The following DECR1 variants were observed in gnomAD, a reference collection of about 807,000 sequenced individuals.
DECR1 encodes the protein 2,4-dienoyl-CoA reductase 1, also known as 2,4-dienoyl-CoA reductase [(3E)-enoyl-CoA-producing], mitochondrial.
DECR1 carries 44 observed loss-of-function variants against 38.8 expected under a neutral mutation model. That is an observed-to-expected ratio of 1.13 (90% CI 0.89 to 1.46). DECR1 has a LOEUF of 1.46. DECR1 is among the 40% of genes most tolerant of loss of function. DECR1 has a pLI of 0.00. For synonymous variants in DECR1, 148 were observed against 135.2 expected (o/e 1.09, Z -0.66); for missense variants, 428 against 405.5 (o/e 1.06, Z -0.48).
At chr8:90,013,970 A>G (rs76048616) in intron 1 of DECR1, among the ~76,000 whole-genome samples, 2,188 of 152,270 alleles carry the variant, frequency 0.014, 24 homozygotes, top group Non-Finnish European at 0.024. Context: ...TATATGATGT[A>G]GGAGAGGGAT....
chr8:90,046,607 C>A (rs1023597549), intron 8 of DECR1, among the ~76,000 whole-genome samples: 2 of 152,192 alleles, frequency 1.3e-5, no homozygotes, highest in African/African-American at 2.4e-5. Flanking sequence ...AGTTGGAAAA[C>A]ATGCTGCAGG....
chr8:90,025,684 T>A (rs1389567051), intron 5 of DECR1, among the ~76,000 whole-genome samples: 1 of 152,164 alleles, frequency 6.6e-6, no homozygotes, highest in Non-Finnish European at 1.5e-5. Context: ...CAATTTGACT[T>A]CTTCTTTTCC....
intron 6 of DECR1, chr8:90,042,422 A>G: frequency 3.8e-6 from 1 of 263,150 alleles, no homozygotes; most frequent in Non-Finnish European, 7.2e-6. Context: ...TACAAATGGT[A>G]GGTGGTGTAG....
intron 1 of DECR1, among the ~76,000 whole-genome samples, chr8:90,008,104 A>G (rs1032288102): frequency 2.0e-5 from 3 of 152,258 alleles, no homozygotes; most frequent in Non-Finnish European, 4.4e-5. Flanking sequence ...ACTGCAGCTT[A>G]GATATCTCTA....
intron 5 of DECR1, among the ~76,000 whole-genome samples, chr8:90,021,574 A>G (rs1403782096): frequency 1.3e-5 from 2 of 152,228 alleles, no homozygotes; most frequent in Non-Finnish European, 2.9e-5. Flanking sequence ...GTATTTTTGT[A>G]TAGATTTCCA....
intron 5 of DECR1, among the ~76,000 whole-genome samples, chr8:90,025,500 C>T (rs1176678515): frequency 6.6e-6 from 1 of 152,140 alleles, no homozygotes; most frequent in African/African-American, 2.4e-5. Flanking sequence ...AATGGGAGTT[C>T]ACTCATGATT....
At chr8:90,049,384 CAG>C (rs1814006259) in intron 8 of DECR1, among the ~76,000 whole-genome samples, 1 of 152,122 alleles carries the variant, frequency 6.6e-6, no homozygotes, top group African/African-American at 2.4e-5. Flanking sequence ...ACACCAATAA[CAG>C]ACAAGCAGAG....
chr8:90,039,484 T>G (rs1489431900), intron 6 of DECR1, among the ~76,000 whole-genome samples: 2 of 152,160 alleles, frequency 1.3e-5, no homozygotes, highest in Non-Finnish European at 1.5e-5. Context: ...TGGGGAAAAC[T>G]GTCTTCAGGA....
At chr8:90,049,132 C>G (rs999427991) in intron 8 of DECR1, among the ~76,000 whole-genome samples, 2 of 152,178 alleles carry the variant, frequency 1.3e-5, no homozygotes, top group Non-Finnish European at 2.9e-5. Context: ...CAGGGATGCC[C>G]TCTCTCACCA....
chr8:90,030,981 G>T (rs990799020), intron 5 of DECR1, among the ~76,000 whole-genome samples: 1 of 152,108 alleles, frequency 6.6e-6, no homozygotes, highest in Admixed American at 6.6e-5. Context: ...TGAAGATAAG[G>T]TAAAGGTAAA....
intron 8 of DECR1, among the ~76,000 whole-genome samples, chr8:90,046,499 A>G (rs1813906388): frequency 1.3e-5 from 2 of 152,236 alleles, no homozygotes; most frequent in Admixed American, 1.3e-4. Context: ...AAAAAAGAGT[A>G]AAAAGAAATG....
chr8:90,044,090 A>G (rs1285648549), intron 7 of DECR1, among the ~76,000 whole-genome samples: 1 of 152,160 alleles, frequency 6.6e-6, no homozygotes, highest in Non-Finnish European at 1.5e-5. Context: ...AGAAAACTGA[A>G]GTGTAGAAAC....
At chr8:90,028,385 A>T (rs532501355) in intron 5 of DECR1, among the ~76,000 whole-genome samples, 124 of 152,008 alleles carry the variant, frequency 8.2e-4, no homozygotes, top group Admixed American at 1.8e-3. Context: ...TTCTTAAAAA[A>T]TTTTTTTTGC....
At chr8:90,010,047 C>G (rs895652900) in intron 1 of DECR1, among the ~76,000 whole-genome samples, 5 of 152,188 alleles carry the variant, frequency 3.3e-5, no homozygotes, top group Non-Finnish European at 7.3e-5. Flanking sequence ...GCCATTGGAG[C>G]TTGGAGTCCA....
At chr8:90,046,866 T>C (rs977587532) in intron 8 of DECR1, among the ~76,000 whole-genome samples, 1 of 152,184 alleles carries the variant, frequency 6.6e-6, no homozygotes, top group Non-Finnish European at 1.5e-5. Flanking sequence ...CAGAAGAAAG[T>C]GGGGGCCAAT....
chr8:90,015,054 A>G (rs908927090), intron 1 of DECR1, among the ~76,000 whole-genome samples: 1 of 152,198 alleles, frequency 6.6e-6, no homozygotes, highest in African/African-American at 2.4e-5. Context: ...CAATTATTTT[A>G]TACATGATCT....
At chr8:90,045,391 T>TGGCTCAGAGGGTCCCATGCCCAC (rs1554577149) in intron 8 of DECR1, among the ~76,000 whole-genome samples, 35 of 152,268 alleles carry the variant, frequency 2.3e-4, no homozygotes, top group African/African-American at 6.5e-4. Flanking sequence ...ATCCCGCGCA[T>TGGCTCAGAGGGTCCCATGCCCAC]GGCTCAGAGG....
intron 6 of DECR1, 196 bp from the exon 7 acceptor site, chr8:90,042,532 C>T (rs1004222356): frequency 1.7e-6 from 1 of 580,236 alleles, no homozygotes; most frequent in Non-Finnish European, 3.1e-6. Context: ...ACAAATTGGC[C>T]ATATGACATA....
At chr8:90,024,500 G>T (rs546097178) in intron 5 of DECR1, among the ~76,000 whole-genome samples, 1 of 152,268 alleles carries the variant, frequency 6.6e-6, no homozygotes, top group South Asian at 2.1e-4. Flanking sequence ...GTGTCTGTTG[G>T]CTGCATAAAT....
Sources: allele counts gnomAD v4.1 joint callset (sites outside exome capture counted in the v4.1 genomes callset), GRCh38; gene constraint gnomAD v4.1.1; transcripts MANE v1.5; gene names NCBI Gene and HGNC (gene_info 2026-07-23, HGNC 2026-07-21).